Variants in SCAPER observed in about 807,000 individuals in gnomAD.
SCAPER encodes S phase cyclin A-associated protein in the endoplasmic reticulum.
A neutral mutation model predicts 182.2 loss-of-function variants in SCAPER; 98 were observed. The observed-to-expected ratio is 0.54, with a 90% CI of 0.46 to 0.64. The LOEUF (loss-of-function observed/expected upper bound fraction) is 0.64, where lower values mean the gene tolerates loss of function less well. Among genes scored for constraint, SCAPER ranks in the 30% least tolerant of loss-of-function variants. SCAPER has a pLI of 0.00. For missense variants in SCAPER, 1,432 were observed against 1,690.0 expected, an observed-to-expected ratio of 0.85 and a Z score of 2.68; for synonymous variants, 605 against 564.6, an observed-to-expected ratio of 1.07 and a Z score of -1.01.
chr15:76,411,989 T>C (rs1214503141), intron 26 of SCAPER, among the ~76,000 whole-genome samples: 2 of 152,162 alleles, frequency 1.3e-5, no homozygotes, highest in Non-Finnish European at 2.9e-5. Context: ...ACCGCAAAGA[T>C]ATATATAGTC....
chr15:76,648,032 T>C (rs2054688790), intron 21 of SCAPER, among the ~76,000 whole-genome samples: 1 of 152,144 alleles, frequency 6.6e-6, no homozygotes, highest in Non-Finnish European at 1.5e-5. Context: ...GTAGCATTTA[T>C]ACTGTCCAAT....
chr15:76,695,902 A>T (rs569449009), intron 20 of SCAPER, among the ~76,000 whole-genome samples: 17 of 152,332 alleles, frequency 1.1e-4, no homozygotes, highest in South Asian at 6.2e-4. Context: ...GCTATGCCTT[A>T]AAAGAAAGTG....
In SCAPER at chr15:76,363,670, G is replaced by A. The variant is rs889487811; in HGVS notation, c.3856-9530C>T. On this transcript the variant is annotated intron_variant, in intron 29 of 31. Coordinates refer to ENST00000563290, the MANE Select transcript of SCAPER (RefSeq NM_020843.4). ...CTTTTTCCCTTGTCAGAGACAAGGTGTCCTTAACAGGGGCAAAAATAGGTG... is the reference window on the plus strand; with the variant it reads ...CTTTTTCCCTTGTCAGAGACAAGGTATCCTTAACAGGGGCAAAAATAGGTG... 1.5e-4 allele frequency among the ~76,000 whole-genome samples: 23 copies of A among 152,164 alleles called. 1 individual carries two copies. The highest frequency in any genetic ancestry group is 1.4e-3 in the Admixed American group (22 of 15,270).
chr15:76,404,786 A>T, intron 26 of SCAPER, 107 bp from the exon 27 acceptor site: 1 of 1,031,740 alleles, frequency 9.7e-7, no homozygotes, highest in Non-Finnish European at 1.3e-6. Context: ...TCAAACATGC[A>T]GACACAACAC....
chr15:76,717,743 A>G (rs1320579443), intron 17 of SCAPER, among the ~76,000 whole-genome samples: 5 of 152,176 alleles, frequency 3.3e-5, no homozygotes, highest in Non-Finnish European at 5.9e-5. Flanking sequence ...CATCAATGGG[A>G]TGTAACAATT....
chr15:76,417,409 G>A lies in SCAPER; in HGVS notation c.3312-12730C>T, dbSNP rs201365916. 5.3e-5 allele frequency among the ~76,000 whole-genome samples: 8 copies of A among 152,330 alleles called. No individual in the cohort carries two copies. In the East Asian group the frequency reaches 1.5e-3, roughly 29 times the overall value. ...AGTAAAGAAATAGCAATGGAGTGAG[G>A]GTGAGAGTTTTGAAAAGTATTTACA... On this transcript the variant is annotated intron_variant, in intron 26 of 31. Transcript: ENST00000563290.
At chr15:76,688,560 T>C (rs1015617143) in intron 20 of SCAPER, among the ~76,000 whole-genome samples, 1 of 152,214 alleles carries the variant, frequency 6.6e-6, no homozygotes, top group East Asian at 1.9e-4. Context: ...ACAATTTTTA[T>C]GGTTTTCTTA....
At chr15:76,587,352 T>C (rs2048744910) in intron 22 of SCAPER, among the ~76,000 whole-genome samples, 1 of 152,190 alleles carries the variant, frequency 6.6e-6, no homozygotes, top group Non-Finnish European at 1.5e-5. Context: ...TTTGTTCTTG[T>C]TTCTCTAGTT....
rs141258281 is a variant in SCAPER at position 76,617,393 on chromosome 15, G to A, written c.2711+4371C>T. 1.1e-3 allele frequency among the ~76,000 whole-genome samples: 160 copies of A among 152,170 alleles called. 1 individual carries two copies. The highest frequency in any genetic ancestry group is 2.7e-3 in the Admixed American group (41 of 15,284). ...AATGACTTGGAATTCCACCTTTGTC[G>A]TTGCATCAGTAATTACTTGCTGTGA... On this transcript the variant is annotated intron_variant, in intron 22 of 31. Transcript: ENST00000563290.
intron 29 of SCAPER, among the ~76,000 whole-genome samples, chr15:76,365,443 C>T (rs372371021): frequency 1.3e-5 from 2 of 152,146 alleles, no homozygotes; most frequent in Non-Finnish European, 2.9e-5. Flanking sequence ...ATTTTAAATT[C>T]TGTTCAAACA....
intron 26 of SCAPER, among the ~76,000 whole-genome samples, chr15:76,425,105 C>G (rs1018178326): frequency 3.9e-5 from 6 of 152,100 alleles, no homozygotes; most frequent in African/African-American, 1.4e-4. Context: ...CTTGGAGTTG[C>G]TCTTCTCGAG....
intron 23 of SCAPER, among the ~76,000 whole-genome samples, chr15:76,543,689 T>A (rs2044993334): frequency 6.6e-6 from 1 of 152,188 alleles, no homozygotes; most frequent in African/African-American, 2.4e-5. Flanking sequence ...ATCATATGCC[T>A]GTGCCACAGC....
At chr15:76,809,934 A>G (rs2066463765) in intron 5 of SCAPER, among the ~76,000 whole-genome samples, 1 of 152,186 alleles carries the variant, frequency 6.6e-6, no homozygotes, top group South Asian at 2.1e-4. Context: ...TGCAACCCAT[A>G]AAGGCTGAAG....
At chr15:76,428,948 G>A (rs1205259639) in intron 26 of SCAPER, among the ~76,000 whole-genome samples, 8 of 143,494 alleles carry the variant, frequency 5.6e-5, no homozygotes, top group Non-Finnish European at 9.0e-5. Flanking sequence ...GTGTAGCAGC[G>A]TCCCCATCCA....
chr15:76,510,860 C>T lies in SCAPER; in HGVS notation c.2839-5886G>A, dbSNP rs1336893022. On this transcript the variant is annotated intron_variant, in intron 23 of 31. Coordinates refer to ENST00000563290, the MANE Select transcript of SCAPER (RefSeq NM_020843.4). ...CAACAAGTGGATAAAGAAACTGGTGCGCGCGTGTGTGTGTGTGTGTGTGTG... is the reference window on the plus strand; with the variant it reads ...CAACAAGTGGATAAAGAAACTGGTGTGCGCGTGTGTGTGTGTGTGTGTGTG... Among the ~76,000 whole-genome samples the T allele has an allele frequency of 8.7e-5, 10 of 115,192 alleles. No homozygotes were observed. The East Asian group carries it at 1.1e-3, about 13-fold the overall frequency. 75.6% of individuals were successfully genotyped at this position (115,192 alleles called of 152,430 possible).
At chr15:76,521,094 C>CA (rs1163026519) in intron 23 of SCAPER, among the ~76,000 whole-genome samples, 2 of 152,066 alleles carry the variant, frequency 1.3e-5, no homozygotes, top group Admixed American at 6.6e-5. Context: ...TGGTAAAAGA[C>CA]AGAAAATAAG....
chr15:76,902,790 C>T (rs1026988682), intron 1 of SCAPER, among the ~76,000 whole-genome samples: 1 of 152,180 alleles, frequency 6.6e-6, no homozygotes, highest in Non-Finnish European at 1.5e-5. Flanking sequence ...GGTGCAGTGG[C>T]GCACGCCTGT....
At chr15:76,540,553 G>A (rs2044646895) in intron 23 of SCAPER, among the ~76,000 whole-genome samples, 2 of 151,784 alleles carry the variant, frequency 1.3e-5, no homozygotes, top group African/African-American at 4.8e-5. Flanking sequence ...AAATATATGA[G>A]TGTATATGTA....
Position 76,536,722 on chromosome 15 carries a change from T to C in SCAPER, c.2839-31748A>G, listed in dbSNP as rs1026082826. Among the ~76,000 whole-genome samples the C allele has an allele frequency of 3.9e-5, 6 of 151,912 alleles. No individual in the cohort carries two copies. The South Asian group carries it at 8.3e-4, about 21-fold the overall frequency. ...TGTTGGAAGTTCTGGCCAGGGCAAT[T>C]AGGCAGGAGAAGGAAATAAAGGGTA... is the stretch of plus-strand genomic sequence containing the variant. On this transcript the variant is annotated intron_variant, in intron 23 of 31. Transcript: ENST00000563290.
Sources: gnomAD v4.1 joint callset for allele counts (sites outside exome capture counted in the v4.1 genomes callset) on GRCh38, gnomAD v4.1.1 for gene constraint, MANE v1.5 for transcripts, NCBI Gene and HGNC (gene_info 2026-07-23, HGNC 2026-07-21) for gene names.